Variants in PBX1 observed in about 807,000 individuals in gnomAD.
The protein encoded by PBX1 is pre-B-cell leukemia transcription factor 1.
PBX1 carries 6 observed loss-of-function variants against 53.4 expected under a neutral mutation model. That is an observed-to-expected ratio of 0.11 (90% CI 0.06 to 0.22). The LOEUF is 0.22. Among genes scored for constraint, PBX1 ranks in the 10% least tolerant of loss-of-function variants. PBX1 has a pLI of 1.00. For missense variants in PBX1, 251 were observed against 551.4 expected, an observed-to-expected ratio of 0.46 and a Z score of 5.46; for synonymous variants, 204 against 212.3, an observed-to-expected ratio of 0.96 and a Z score of 0.34.
intron 6 of PBX1, chr1:164,818,819 A>G (rs3767366): frequency 0.21 from 31,209 of 151,832 alleles, 3,408 homozygotes; most frequent in African/African-American, 0.26. Context: ...GGGGAAAAAA[A>G]GTCCTCTCTT....
At chr1:164,798,621 C>T (rs1256780578) in intron 3 of PBX1, among the ~76,000 whole-genome samples, 1 of 152,234 alleles carries the variant, frequency 6.6e-6, no homozygotes, top group Non-Finnish European at 1.5e-5. Flanking sequence ...AATGTCCCTT[C>T]AGCTCTCTGG....
intron 2 of PBX1, among the ~76,000 whole-genome samples, chr1:164,701,116 A>C (rs963629990): frequency 2.6e-5 from 4 of 152,202 alleles, no homozygotes; most frequent in African/African-American, 9.7e-5. Flanking sequence ...TAATCTTTTC[A>C]GGAGACTCTT....
At chr1:164,796,019 ATTTT>A (rs10717463) in intron 3 of PBX1, among the ~76,000 whole-genome samples, 2 of 142,604 alleles carry the variant, frequency 1.4e-5, no homozygotes, top group Non-Finnish European at 1.5e-5. Flanking sequence ...TTTTGAAGAC[ATTTT>A]TTTTTTTTTT....
intron 1 of PBX1, chr1:164,562,965 T>TA (rs34618409): frequency 0.021 from 3,722 of 176,730 alleles, no homozygotes; most frequent in East Asian, 0.054. Context: ...TTAAACTACT[T>TA]AAAAAAAAAA....
intron 2 of PBX1, among the ~76,000 whole-genome samples, chr1:164,635,205 C>T (rs1402392988): frequency 6.6e-6 from 1 of 151,992 alleles, no homozygotes; most frequent in Non-Finnish European, 1.5e-5. Flanking sequence ...ATGCCAACAC[C>T]CTGGGAGTTT....
chr1:164,821,262 T>C (rs1670138746), intron 7 of PBX1, among the ~76,000 whole-genome samples: 2 of 152,172 alleles, frequency 1.3e-5, no homozygotes. Flanking sequence ...ATCCTAATCC[T>C]TACCATCTCA....
chr1:164,658,281 A>G (rs1166164834), intron 2 of PBX1, among the ~76,000 whole-genome samples: 1 of 152,156 alleles, frequency 6.6e-6, no homozygotes, highest in Non-Finnish European at 1.5e-5. Flanking sequence ...CCTATACCCC[A>G]ACACCAGTAA....
intron 2 of PBX1, among the ~76,000 whole-genome samples, chr1:164,751,874 G>T (rs899874687): frequency 2.6e-5 from 4 of 152,014 alleles, no homozygotes; most frequent in African/African-American, 9.7e-5. Flanking sequence ...GAGCCACCAC[G>T]CCCGGCCAGT....
chr1:164,623,945 A>G (rs1657865414), intron 2 of PBX1, among the ~76,000 whole-genome samples: 1 of 152,206 alleles, frequency 6.6e-6, no homozygotes, highest in African/African-American at 2.4e-5. Flanking sequence ...GGCCTCAGAC[A>G]AACAGGAGCT....
chr1:164,767,226 T>C (rs930168598), intron 2 of PBX1, among the ~76,000 whole-genome samples: 1 of 152,126 alleles, frequency 6.6e-6, no homozygotes, highest in Non-Finnish European at 1.5e-5. Context: ...ATATAATTTG[T>C]GGGTCCCAGT....
chr1:164,739,200 A>G (rs892275722), intron 2 of PBX1, among the ~76,000 whole-genome samples: 9 of 152,210 alleles, frequency 5.9e-5, no homozygotes, highest in Non-Finnish European at 1.3e-4. Context: ...CCCCTGGCGC[A>G]AACCAATCAT....
chr1:164,839,786 C>A (rs905127195), intron 8 of PBX1, among the ~76,000 whole-genome samples: 1 of 152,114 alleles, frequency 6.6e-6, no homozygotes, highest in African/African-American at 2.4e-5. Flanking sequence ...TCTTTCTGAA[C>A]ATAGAGACCT....
At chr1:164,731,372 G>A (rs1025711689) in intron 2 of PBX1, among the ~76,000 whole-genome samples, 1 of 151,920 alleles carries the variant, frequency 6.6e-6, no homozygotes, top group Non-Finnish European at 1.5e-5. Flanking sequence ...ACTTGATGAG[G>A]TCCCTGCTAT....
chr1:164,796,297 C>T (rs1003137704), intron 3 of PBX1, among the ~76,000 whole-genome samples: 7 of 152,212 alleles, frequency 4.6e-5, no homozygotes, highest in South Asian at 2.1e-4. Flanking sequence ...CGTGAGCCAC[C>T]GTGCCTGGCG....
At chr1:164,574,462 A>G (rs1654084103) in intron 2 of PBX1, among the ~76,000 whole-genome samples, 1 of 152,232 alleles carries the variant, frequency 6.6e-6, no homozygotes, top group Non-Finnish European at 1.5e-5. Context: ...TGTGAGCCCC[A>G]ACATGATCCC....
chr1:164,882,555 G>A (rs945397774), intron 2 of PBX1, among the ~76,000 whole-genome samples: 1 of 152,142 alleles, frequency 6.6e-6, no homozygotes, highest in African/African-American at 2.4e-5. Flanking sequence ...AAGGGCTAGA[G>A]TACTTTCTAC....
intron 2 of PBX1, among the ~76,000 whole-genome samples, chr1:164,708,996 C>T (rs181103686): frequency 3.3e-5 from 5 of 152,130 alleles, no homozygotes; most frequent in African/African-American, 1.2e-4. Context: ...GTGTCCTAGT[C>T]CTTGAGGTGT....
intron 2 of PBX1, chr1:164,700,365 C>G: frequency 1.3e-6 from 1 of 750,600 alleles, no homozygotes; most frequent in Non-Finnish European, 1.6e-6. Context: ...TATGGAGAAG[C>G]CAAGGAAGGC....
rs539058239 is a variant in PBX1, at chr1:164,874,543, G to T, written n.258-24645G>T. 2.0e-5 allele frequency among the ~76,000 whole-genome samples: 3 copies of T among 152,194 alleles called. No homozygotes were observed. In the East Asian group the frequency reaches 5.8e-4, roughly 29 times the overall value. On this transcript the variant is annotated intron_variant and non_coding_transcript_variant, in intron 2 of 2. Coordinates refer to the PBX1 transcript ENST00000558796. ...AGAATCTTACTTCATCACCCAGGCT[G>T]GAGTGTAGTGGTGCGATCTTGACTC...
Sources: allele counts gnomAD v4.1 joint callset (sites outside exome capture counted in the v4.1 genomes callset), GRCh38; gene constraint gnomAD v4.1.1; transcripts MANE v1.5; gene names NCBI Gene and HGNC (gene_info 2026-07-23, HGNC 2026-07-21).